Variants in PDE1C observed in about 807,000 individuals in gnomAD.
PDE1C encodes dual specificity calcium/calmodulin-dependent 3',5'-cyclic nucleotide phosphodiesterase 1C.
A neutral mutation model predicts 93.1 loss-of-function variants in PDE1C; 62 were observed. The observed-to-expected ratio is 0.67, with a 90% confidence interval of 0.54 to 0.82. The LOEUF (loss-of-function observed/expected upper bound fraction) is 0.82. Ranked by LOEUF, PDE1C falls within the 40% of genes least tolerant of loss-of-function variation. The pLI is 0.00. For synonymous variants in PDE1C, 325 were observed against 310.1 expected (o/e 1.05, Z -0.50); for missense variants, 742 against 884.6 (o/e 0.84, Z 2.04).
the PDE1C span, among the ~76,000 whole-genome samples, chr7:31,692,128 A>G: frequency 6.6e-6 from 1 of 152,186 alleles, no homozygotes; most frequent in Admixed American, 6.5e-5. Flanking sequence ...TTATTCTGAA[A>G]CTCTCAATGT....
intron 16 of PDE1C, among the ~76,000 whole-genome samples, chr7:31,806,221 T>C (rs1339445961): frequency 5.9e-5 from 9 of 151,962 alleles, no homozygotes; most frequent in Non-Finnish European, 1.3e-4. Flanking sequence ...GCACAAAAGA[T>C]GGCTATCTCT....
At chr7:32,318,887 A>C (rs974354893) in intron 1 of PDE1C, among the ~76,000 whole-genome samples, 1 of 152,204 alleles carries the variant, frequency 6.6e-6, no homozygotes, top group Non-Finnish European at 1.5e-5. Flanking sequence ...AGGAAACTCC[A>C]GGCTCTGGAC....
chr7:32,335,152 G>A (rs2044422440), intron 1 of PDE1C, among the ~76,000 whole-genome samples: 1 of 152,158 alleles, frequency 6.6e-6, no homozygotes, highest in South Asian at 2.1e-4. Context: ...GCCCTGAACA[G>A]TATTTTCTCA....
the PDE1C span, among the ~76,000 whole-genome samples, chr7:31,740,726 A>G: frequency 6.6e-6 from 1 of 152,224 alleles, no homozygotes; most frequent in African/African-American, 2.4e-5. Context: ...ATATATGGCA[A>G]TGGATTCATG....
At chr7:32,262,180 T>C (rs1379044539) in intron 1 of PDE1C, among the ~76,000 whole-genome samples, 1 of 152,086 alleles carries the variant, frequency 6.6e-6, no homozygotes, top group Non-Finnish European at 1.5e-5. Flanking sequence ...AAAAGCTATA[T>C]GCCAGAATAA....
chr7:31,674,171 C>A, the PDE1C span, among the ~76,000 whole-genome samples: 5 of 152,288 alleles, frequency 3.3e-5, no homozygotes, highest in African/African-American at 1.2e-4. Flanking sequence ...CCCCTGCCCA[C>A]TCTACAGAGG....
chr7:31,649,309 C>G, the PDE1C span, among the ~76,000 whole-genome samples: 1 of 152,148 alleles, frequency 6.6e-6, no homozygotes, highest in Non-Finnish European at 1.5e-5. Flanking sequence ...TAAGAAATCT[C>G]AGACTTCCTA....
the PDE1C span, among the ~76,000 whole-genome samples, chr7:31,651,565 T>A: frequency 6.6e-6 from 1 of 152,090 alleles, no homozygotes; most frequent in Non-Finnish European, 1.5e-5. Context: ...GTGGGAGTTA[T>A]GAGAGTTTTG....
intron 1 of PDE1C, among the ~76,000 whole-genome samples, chr7:32,408,490 TAA>T (rs1398454387): frequency 6.6e-6 from 1 of 152,090 alleles, no homozygotes; most frequent in Non-Finnish European, 1.5e-5. Flanking sequence ...TAAACAAAAT[TAA>T]AAGGGGCATT....
At chr7:32,349,417 T>C (rs1367029552) in intron 1 of PDE1C, among the ~76,000 whole-genome samples, 2 of 152,096 alleles carry the variant, frequency 1.3e-5, no homozygotes, top group Admixed American at 6.5e-5. Flanking sequence ...TGGAGGGAAA[T>C]GGGTCTGGCT....
intron 2 of PDE1C, among the ~76,000 whole-genome samples, chr7:31,968,877 G>C (rs1391621218): frequency 6.6e-6 from 1 of 152,150 alleles, no homozygotes; most frequent in Non-Finnish European, 1.5e-5. Context: ...ACAAGCAATG[G>C]GGAAAGGATT....
At chr7:32,218,799 C>T (rs79389750) in intron 1 of PDE1C, among the ~76,000 whole-genome samples, 345 of 152,248 alleles carry the variant, frequency 2.3e-3, no homozygotes, top group African/African-American at 7.9e-3. Context: ...TTCCCTGATC[C>T]CGCTTTCCAA....
the PDE1C span, among the ~76,000 whole-genome samples, chr7:31,726,170 G>A: frequency 1.3e-5 from 2 of 152,158 alleles, no homozygotes; most frequent in African/African-American, 4.8e-5. Context: ...TTGGACCCAA[G>A]CATTTCTCCC....
chr7:31,715,418 T>G, the PDE1C span, among the ~76,000 whole-genome samples: 1 of 152,156 alleles, frequency 6.6e-6, no homozygotes, highest in African/African-American at 2.4e-5. Flanking sequence ...TTTGTATTTT[T>G]AGTAGAGATG....
In PDE1C at chr7:31,878,869, T is replaced by G. The variant is rs546835140; in HGVS notation, c.425+127A>C. 5.5e-5 allele frequency: 48 copies of G among 876,594 alleles called. No individual in the cohort carries two copies. The African/African-American group carries it at 6.5e-4, about 12-fold the overall frequency. 54.3% of individuals were successfully genotyped at this position (876,594 alleles called of 1,614,324 possible). A position where few individuals can be genotyped will look rare whatever the true frequency, so the allele number is the denominator to read the frequency against. ...TTGCCATTTCTCATTCAAGACTATCTGTTTCTACCCACAATTTTCAGTATT... is the reference window on the plus strand; with the variant it reads ...TTGCCATTTCTCATTCAAGACTATCGGTTTCTACCCACAATTTTCAGTATT... On this transcript the variant is annotated intron_variant, in intron 4 of 17. Coordinates refer to ENST00000396191, the MANE Select transcript of PDE1C (RefSeq NM_001191057.4).
At chr7:31,893,505 C>G (rs943278506) in intron 2 of PDE1C, 1 of 984,458 alleles carries the variant, frequency 1.0e-6, no homozygotes, top group Non-Finnish European at 1.2e-6. Flanking sequence ...CTTGCCAGCA[C>G]CACCTCCCTT....
chr7:31,806,463 C>A (rs1412605285), intron 16 of PDE1C, among the ~76,000 whole-genome samples: 1 of 151,958 alleles, frequency 6.6e-6, no homozygotes, highest in East Asian at 1.9e-4. Flanking sequence ...CAATACATTT[C>A]TCCCTAGGGG....
chr7:32,169,888 G>A (rs759696152), exon 3 of PDE1C: 1 of 1,612,602 alleles, frequency 6.2e-7, no homozygotes, highest in Non-Finnish European at 8.5e-7. Context: ...GTTGGCCTTG[G>A]CTTCTCCTTG....
At chr7:31,848,157 C>G in intron 8 of PDE1C, 61 bp from the exon 9 acceptor site, 1 of 1,571,654 alleles carries the variant, frequency 6.4e-7, no homozygotes, top group Non-Finnish European at 8.7e-7. Flanking sequence ...TTGGGTAATT[C>G]TAACAGGCTA....
Sources: allele counts gnomAD v4.1 joint callset (sites outside exome capture counted in the v4.1 genomes callset), GRCh38; gene constraint gnomAD v4.1.1; transcripts MANE v1.5; gene names NCBI Gene and HGNC (gene_info 2026-07-23, HGNC 2026-07-21).